The following SOX5 variants were observed in gnomAD, a reference collection of about 807,000 sequenced individuals.
SOX5 encodes transcription factor SOX-5.
A neutral mutation model predicts 92.0 loss-of-function variants in SOX5; 9 were observed. That is an observed-to-expected ratio of 0.10 (90% confidence interval 0.06 to 0.17). SOX5 has a LOEUF of 0.17. Among genes scored for constraint, SOX5 ranks in the 10% least tolerant of loss-of-function variants. The pLI is 1.00. For synonymous variants in SOX5, 344 were observed against 336.3 expected, an observed-to-expected ratio of 1.02 and a Z score of -0.25; for missense variants, 642 against 944.5, an observed-to-expected ratio of 0.68 and a Z score of 4.20.
At chr12:24,130,278 A>T (rs1028504979) in intron 4 of SOX5, among the ~76,000 whole-genome samples, 1 of 152,214 alleles carries the variant, frequency 6.6e-6, no homozygotes, top group Non-Finnish European at 1.5e-5. Flanking sequence ...GAAGAAAGCG[A>T]CGCATCTGGG....
At chr12:23,616,449 C>G (rs1386987649) in intron 8 of SOX5, among the ~76,000 whole-genome samples, 1 of 152,166 alleles carries the variant, frequency 6.6e-6, no homozygotes, top group Non-Finnish European at 1.5e-5. Flanking sequence ...CACTTAATTT[C>G]CAGTCTGGAG....
intron 11 of SOX5, among the ~76,000 whole-genome samples, chr12:23,555,777 T>C (rs1945048480): frequency 6.6e-6 from 1 of 152,190 alleles, no homozygotes; most frequent in African/African-American, 2.4e-5. Context: ...TTACCACTGC[T>C]GGACGAAAAC....
chr12:24,478,157 C>T (rs537165285), intron 1 of SOX5, among the ~76,000 whole-genome samples: 1 of 152,282 alleles, frequency 6.6e-6, no homozygotes, highest in Admixed American at 6.5e-5. Context: ...TAAATTACTA[C>T]TGAAGTGTGA....
intron 2 of SOX5, among the ~76,000 whole-genome samples, chr12:24,279,490 C>A (rs1944908101): frequency 6.6e-6 from 1 of 151,926 alleles, no homozygotes; most frequent in Non-Finnish European, 1.5e-5. Flanking sequence ...AGGAAACAAC[C>A]TACTTTAAAA....
intron 1 of SOX5, among the ~76,000 whole-genome samples, chr12:23,900,556 G>T (rs1047889325): frequency 2.0e-5 from 3 of 152,014 alleles, no homozygotes; most frequent in South Asian, 4.2e-4. Flanking sequence ...CTGATCCCTG[G>T]GTTTTACCCT....
chr12:24,349,701 C>A (rs1280576265), intron 2 of SOX5, among the ~76,000 whole-genome samples: 2 of 152,146 alleles, frequency 1.3e-5, no homozygotes, highest in Non-Finnish European at 2.9e-5. Context: ...ACTTTGGTTG[C>A]CTCTACTTTT....
intron 6 of SOX5, among the ~76,000 whole-genome samples, chr12:23,689,425 A>C (rs1213574955): frequency 6.6e-6 from 1 of 152,054 alleles, no homozygotes; most frequent in East Asian, 1.9e-4. Flanking sequence ...CAATATTCAA[A>C]TACTGTTTAT....
chr12:24,132,194 A>AC (rs1949711594), intron 4 of SOX5, among the ~76,000 whole-genome samples: 1 of 152,172 alleles, frequency 6.6e-6, no homozygotes, highest in Non-Finnish European at 1.5e-5. Flanking sequence ...CAGAAACGAT[A>AC]GATAATCAGA....
At chr12:24,080,492 A>T (rs1188074080) in intron 4 of SOX5, among the ~76,000 whole-genome samples, 1 of 151,998 alleles carries the variant, frequency 6.6e-6, no homozygotes. Flanking sequence ...GGCTTAGTTG[A>T]CTTTAATTTT....
intron 4 of SOX5, among the ~76,000 whole-genome samples, chr12:24,165,763 A>C (rs182498911): frequency 2.6e-5 from 4 of 152,092 alleles, no homozygotes; most frequent in Admixed American, 1.3e-4. Context: ...GAGGAAGAAG[A>C]GAAAGAAAGG....
At chr12:23,611,371 T>TGC (rs746578957) in intron 8 of SOX5, among the ~76,000 whole-genome samples, 1 of 87,748 alleles carries the variant, frequency 1.1e-5, no homozygotes, top group East Asian at 3.7e-4. Flanking sequence ...TGTGTGTGCG[T>TGC]GTGTGTGTGT....
At chr12:23,935,491 G>T (rs1942341832) in intron 1 of SOX5, among the ~76,000 whole-genome samples, 1 of 151,170 alleles carries the variant, frequency 6.6e-6, no homozygotes, top group Admixed American at 6.6e-5. Context: ...TCAATAGATG[G>T]CTTACTACAA....
rs528741802 is a variant in SOX5, at chr12:23,804,915, TTATA to T, written c.481+41064_481+41067del. On this transcript the variant is annotated intron_variant, in intron 3 of 14. Coordinates refer to ENST00000451604, the MANE Select transcript of SOX5 (RefSeq NM_006940.6). ...TTTTCTCTATTTACCTATCATTGTT[TTATA>T]TATATATATATATATATATATATAT... is the stretch of plus-strand genomic sequence containing the variant. 8.0e-3 allele frequency among the ~76,000 whole-genome samples: 596 copies of T among 74,748 alleles called. 5 individuals carry two copies. The highest frequency in any genetic ancestry group is 8.7e-3 in the Non-Finnish European group (339 of 38,944). The allele number at this position is 74,748 out of a possible 152,430, so 49.0% of individuals were successfully genotyped here.
intron 4 of SOX5, among the ~76,000 whole-genome samples, chr12:24,141,555 G>A (rs1216591981): frequency 4.6e-5 from 7 of 152,262 alleles, no homozygotes; most frequent in East Asian, 3.9e-4. Context: ...TTTTGTAAAC[G>A]GCTGGAAGAA....
intron 4 of SOX5, among the ~76,000 whole-genome samples, chr12:24,052,935 A>G (rs1957702586): frequency 2.0e-5 from 3 of 152,172 alleles, no homozygotes; most frequent in African/African-American, 4.8e-5. Context: ...CAATCTCCCA[A>G]TAAAATCTCC....
chr12:23,804,918 TATATATATATA>T (rs2095737085), intron 3 of SOX5, among the ~76,000 whole-genome samples: 3 of 4,032 alleles, frequency 7.4e-4, no homozygotes, highest in African/African-American at 2.3e-3. Context: ...CATTGTTTTA[TATATATATATA>T]TATATATATA....
chr12:24,038,407 G>A (rs545683611), intron 4 of SOX5, among the ~76,000 whole-genome samples: 47 of 152,266 alleles, frequency 3.1e-4, no homozygotes, highest in African/African-American at 1.1e-3. Context: ...CCATAGAACA[G>A]GATTTCACTA....
intron 3 of SOX5, among the ~76,000 whole-genome samples, chr12:24,248,550 A>T (rs1392236543): frequency 1.3e-5 from 2 of 152,042 alleles, no homozygotes; most frequent in African/African-American, 4.8e-5. Context: ...ACGCTCGGCT[A>T]ATTTTTATAT....
chr12:24,332,780 C>G (rs1257402740), intron 2 of SOX5, among the ~76,000 whole-genome samples: 1 of 151,746 alleles, frequency 6.6e-6, no homozygotes, highest in Non-Finnish European at 1.5e-5. Flanking sequence ...ACACTGGACC[C>G]CAGAGAGCAG....
Sources: allele counts gnomAD v4.1 joint callset (sites outside exome capture counted in the v4.1 genomes callset), GRCh38; gene constraint gnomAD v4.1.1; transcripts MANE v1.5; gene names NCBI Gene and HGNC (gene_info 2026-07-23, HGNC 2026-07-21).